The following TSPAN10 variants were observed in gnomAD, a reference collection of about 807,000 sequenced individuals.
TSPAN10 encodes tetraspanin-10.
Under a neutral mutation model 15.0 loss-of-function variants are expected in TSPAN10, and 11 were observed. The ratio of observed to expected loss-of-function variants is 0.73; its 90% CI spans 0.46 to 1.21. The LOEUF (loss-of-function observed/expected upper bound fraction) is 1.21, where lower values mean the gene tolerates loss of function less well. TSPAN10 is among the 50% of genes most tolerant of loss of function. The pLI, the probability that TSPAN10 is intolerant of heterozygous loss-of-function variation, is 0.00. For missense variants in TSPAN10, 486 were observed against 470.6 expected (o/e 1.03, Z -0.30); for synonymous variants, 241 against 226.2 (o/e 1.07, Z -0.59).
chr17:81,643,292 C>G (rs1478363736), intron 1 of TSPAN10, among the ~76,000 whole-genome samples: 1 of 149,102 alleles, frequency 6.7e-6, no homozygotes, highest in African/African-American at 2.4e-5. Context: ...GCCACCGTGC[C>G]CGGCCTACAA....
At chr17:81,639,979 C>CAA (rs1285964538), upstream of TSPAN10, among the ~76,000 whole-genome samples, 2 of 123,292 alleles carry the variant, frequency 1.6e-5, no homozygotes, top group Non-Finnish European at 1.8e-5. Context: ...GACTCCGTCT[C>CAA]AAAAAAAAAA....
At chr17:81,641,639 G>C (rs906753539), upstream of TSPAN10, among the ~76,000 whole-genome samples, 1 of 151,814 alleles carries the variant, frequency 6.6e-6, no homozygotes, top group Non-Finnish European at 1.5e-5. Context: ...GCTGAGTCCG[G>C]GCACAGTGGC....
exon 2 of TSPAN10, chr17:81,645,301 C>T: frequency 1.3e-6 from 2 of 1,540,544 alleles, no homozygotes; most frequent in Non-Finnish European, 1.7e-6. Context: ...GGGGGGGCCC[C>T]TGCCCGCAGA....
chr17:81,648,249 C>A, exon 3 of TSPAN10: 2 of 1,220,286 alleles, frequency 1.6e-6, no homozygotes, highest in African/African-American at 3.1e-5. Flanking sequence ...GCCCCCAGAG[C>A]CCCAGCCCCG....
chr17:81,642,292 C>A, upstream of TSPAN10: 1 of 1,167,866 alleles, frequency 8.6e-7, no homozygotes, highest in Middle Eastern at 2.2e-4. Flanking sequence ...ATGCCCAGGG[C>A]TGCACTGTTC....
upstream of TSPAN10, chr17:81,638,958 A>C (rs1365437490): frequency 1.3e-5 from 2 of 152,002 alleles, no homozygotes; most frequent in Non-Finnish European, 2.9e-5. Flanking sequence ...TCTTGTCCCC[A>C]GGTAGGAAGG....
upstream of TSPAN10, among the ~76,000 whole-genome samples, chr17:81,640,632 T>C (rs966946057): frequency 1.3e-5 from 2 of 151,956 alleles, no homozygotes; most frequent in African/African-American, 4.8e-5. Context: ...GTACTTTTAG[T>C]AGAGACAGGG....
chr17:81,642,874 G>T (rs558177668), intron 1 of TSPAN10, among the ~76,000 whole-genome samples: 1 of 151,988 alleles, frequency 6.6e-6, no homozygotes, highest in African/African-American at 2.4e-5. Flanking sequence ...CTCTGGGGCC[G>T]GGCACAGTGG....
At chr17:81,640,266 C>T (rs534681749), upstream of TSPAN10, among the ~76,000 whole-genome samples, 8 of 152,120 alleles carry the variant, frequency 5.3e-5, no homozygotes, top group Non-Finnish European at 1.2e-4. Context: ...AGATTACAGG[C>T]ATAAGCCGCT....
chr17:81,648,286 C>T (rs890703653), exon 3 of TSPAN10: 6 of 1,208,616 alleles, frequency 5.0e-6, no homozygotes, highest in Non-Finnish European at 6.2e-6. Flanking sequence ...CAAGCCCGCC[C>T]GGGGCTGAGC....
chr17:81,645,521 C>A, exon 2 of TSPAN10: 1 of 1,591,808 alleles, frequency 6.3e-7, no homozygotes, highest in Non-Finnish European at 8.5e-7. Flanking sequence ...CTGCGTGTGG[C>A]CATCGCCCAC....
chr17:81,637,663 G>A (rs2036123231), upstream of TSPAN10: 1 of 374,298 alleles, frequency 2.7e-6, no homozygotes, highest in African/African-American at 2.1e-5. Context: ...GCCATACGCG[G>A]TGGCTCACGC....
chr17:81,648,037 C>T lies in TSPAN10; in HGVS notation c.811C>T (p.Gln271Ter). 1 of 1,599,638 alleles carries T rather than the reference C, an allele frequency of 6.3e-7. No homozygotes were observed. The highest frequency in any genetic ancestry group is 8.5e-7 in the Non-Finnish European group (1 of 1,175,460). ...CCTGCGCCTGGATGCGGACGCAGCT[C>T]AGAGAGTGGTGTACCTGGAGGGCTG... Residue 271 changes from glutamine to a stop codon, truncating the protein, a stop_gained, in exon 3 of 3, where the codon CAG becomes TAG. Transcript: ENST00000611590. LOFTEE classifies it low-confidence loss of function (END_TRUNC).
upstream of TSPAN10, chr17:81,638,116 A>G (rs1301400388): frequency 6.6e-6 from 1 of 152,046 alleles, no homozygotes; most frequent in Non-Finnish European, 1.5e-5. Context: ...TAGTTTGCTC[A>G]GGGTGCCACT....
intron 1 of TSPAN10, 124 bp downstream of exon 2, chr17:81,642,572 CTGAGATTGGGT>C: frequency 1.0e-6 from 1 of 988,318 alleles, no homozygotes; most frequent in Non-Finnish European, 1.5e-6. Flanking sequence ...CACCTCAATG[CTGAGATTGGGT>C]TGAGGGGGGT....
At chr17:81,643,038 C>G (rs2036195933) in intron 1 of TSPAN10, among the ~76,000 whole-genome samples, 1 of 149,774 alleles carries the variant, frequency 6.7e-6, no homozygotes, top group Non-Finnish European at 1.5e-5. Flanking sequence ...TAGAGTCTCG[C>G]TCTGTCACCA....
At chr17:81,644,144 C>T (rs2036210846) in intron 1 of TSPAN10, among the ~76,000 whole-genome samples, 2 of 152,066 alleles carry the variant, frequency 1.3e-5, no homozygotes, top group African/African-American at 2.4e-5. Context: ...CCACAACGTC[C>T]AGCCCGGCCA....
upstream of TSPAN10, among the ~76,000 whole-genome samples, chr17:81,640,221 A>G (rs1227941273): frequency 6.6e-6 from 1 of 152,000 alleles, no homozygotes. Context: ...TACTAGGTTC[A>G]ATCAATCCAC....
At chr17:81,640,895 G>A (rs942347737), upstream of TSPAN10, among the ~76,000 whole-genome samples, 2 of 152,074 alleles carry the variant, frequency 1.3e-5, no homozygotes, top group Non-Finnish European at 2.9e-5. Flanking sequence ...GACTTTGGCC[G>A]GGCGTGGTGG....
Sources: allele counts gnomAD v4.1 joint callset (sites outside exome capture counted in the v4.1 genomes callset), GRCh38; gene constraint gnomAD v4.1.1; transcripts MANE v1.5; gene names NCBI Gene and HGNC (gene_info 2026-07-23, HGNC 2026-07-21).